The following AMBRA1 variants were observed in gnomAD, a reference collection of about 807,000 sequenced individuals.
AMBRA1 encodes autophagy and beclin 1 regulator 1.
A neutral mutation model predicts 125.4 loss-of-function variants in AMBRA1; 47 were observed. The ratio of observed to expected loss-of-function variants is 0.37; its 90% CI spans 0.30 to 0.48. The LOEUF (loss-of-function observed/expected upper bound fraction) is 0.48, where lower values mean the gene tolerates loss of function less well. Ranked by LOEUF, AMBRA1 falls within the 20% of genes least tolerant of loss-of-function variation. AMBRA1 has a pLI of 0.99. For missense variants in AMBRA1, 1,331 were observed against 1,693.4 expected, an observed-to-expected ratio of 0.79 and a Z score of 3.76; for synonymous variants, 626 against 655.5, an observed-to-expected ratio of 0.95 and a Z score of 0.69.
intron 11 of AMBRA1, among the ~76,000 whole-genome samples, chr11:46,479,233 G>C (rs959400972): frequency 3.3e-5 from 5 of 152,052 alleles, no homozygotes; most frequent in Non-Finnish European, 7.4e-5. Flanking sequence ...AATGTGTTCA[G>C]AGTGTGCTAG....
chr11:46,397,315 C>T lies in AMBRA1; in HGVS notation c.*135G>A. Reference sequence around the variant, plus strand: ...CTTGTGCCCACTGACTGATCTTCCTCTCCACCCTGACCCTCTTCCTCCTCC... The same window carrying T: ...CTTGTGCCCACTGACTGATCTTCCTTTCCACCCTGACCCTCTTCCTCCTCC... On this transcript the variant is annotated 3_prime_UTR_variant, in exon 18 of 18. Transcript: ENST00000683756. 1 of 1,253,924 alleles carries T rather than the reference C, an allele frequency of 8.0e-7. No individual in the cohort carries two copies. Among genetic ancestry groups the T allele is most frequent in the Non-Finnish European group, 1.0e-6 (1 of 963,760 alleles). 77.7% of individuals were successfully genotyped at this position (1,253,924 alleles called of 1,614,324 possible). A position where few individuals can be genotyped will look rare whatever the true frequency, so the allele number is the denominator to read the frequency against.
chr11:46,560,900 T>C (rs1009516553), intron 1 of AMBRA1, among the ~76,000 whole-genome samples: 1 of 152,176 alleles, frequency 6.6e-6, no homozygotes, highest in Non-Finnish European at 1.5e-5. Context: ...CAAACAGACC[T>C]AATGACTTTG....
chr11:46,429,962 G>A (rs2046767), intron 14 of AMBRA1, among the ~76,000 whole-genome samples: 1,779 of 152,130 alleles, frequency 0.012, 42 homozygotes, highest in African/African-American at 0.041. Flanking sequence ...AGCATATCCA[G>A]TCTGGAGGAA....
chr11:46,571,905 G>A (rs2043774709), intron 1 of AMBRA1, among the ~76,000 whole-genome samples: 1 of 151,856 alleles, frequency 6.6e-6, no homozygotes, highest in African/African-American at 2.4e-5. Flanking sequence ...GGTCAGGCTG[G>A]TCTTGAACTC....
At chr11:46,569,440 A>AATATAT (rs1243484151) in intron 1 of AMBRA1, among the ~76,000 whole-genome samples, 20 of 131,370 alleles carry the variant, frequency 1.5e-4, no homozygotes, top group South Asian at 4.8e-4. Context: ...AAAAAAAAAA[A>AATATAT]ATATATATAT....
intron 8 of AMBRA1, among the ~76,000 whole-genome samples, chr11:46,511,439 G>A (rs1348393748): frequency 6.6e-6 from 1 of 152,196 alleles, no homozygotes; most frequent in Non-Finnish European, 1.5e-5. Flanking sequence ...ATCTCAGAAA[G>A]AATGCTCAGT....
intron 1 of AMBRA1, among the ~76,000 whole-genome samples, chr11:46,567,859 C>T (rs1224128529): frequency 6.6e-6 from 1 of 152,052 alleles, no homozygotes; most frequent in African/African-American, 2.4e-5. Flanking sequence ...CTTGAAAAAC[C>T]TAGCTGGGGC....
chr11:46,416,906 C>T (rs573743283), intron 15 of AMBRA1, among the ~76,000 whole-genome samples: 2 of 152,246 alleles, frequency 1.3e-5, no homozygotes, highest in South Asian at 2.1e-4. Flanking sequence ...TGACTCCCAG[C>T]GTCTCTAATG....
intron 7 of AMBRA1, among the ~76,000 whole-genome samples, chr11:46,538,939 T>TA (rs1952611614): frequency 6.6e-6 from 1 of 152,190 alleles, no homozygotes; most frequent in African/African-American, 2.4e-5. Context: ...CAGATCACAG[T>TA]AGCAGCATTT....
intron 11 of AMBRA1, among the ~76,000 whole-genome samples, chr11:46,444,489 C>T (rs191401348): frequency 1.3e-5 from 2 of 152,292 alleles, no homozygotes; most frequent in East Asian, 3.9e-4. Flanking sequence ...TCATACACAA[C>T]CACCCTCCTT....
chr11:46,572,789 CAG>C (rs1468202503), intron 1 of AMBRA1, among the ~76,000 whole-genome samples: 1 of 152,004 alleles, frequency 6.6e-6, no homozygotes, highest in Non-Finnish European at 1.5e-5. Flanking sequence ...TTGTGGTCAC[CAG>C]ATTTAAAAAT....
chr11:46,404,594 G>A (rs1014521582), intron 17 of AMBRA1, among the ~76,000 whole-genome samples: 1 of 152,186 alleles, frequency 6.6e-6, no homozygotes, highest in African/African-American at 2.4e-5. Context: ...CAGGGTATAC[G>A]CAGAGCATGC....
intron 7 of AMBRA1, among the ~76,000 whole-genome samples, chr11:46,535,927 C>A (rs1004146752): frequency 6.6e-6 from 1 of 152,300 alleles, no homozygotes; most frequent in East Asian, 1.9e-4. Flanking sequence ...ACAACCCATT[C>A]ACAAGTTAGG....
chr11:46,430,580 T>G (rs1204179584), intron 14 of AMBRA1, among the ~76,000 whole-genome samples: 2 of 152,230 alleles, frequency 1.3e-5, no homozygotes, highest in African/African-American at 4.8e-5. Context: ...GCATCAAGGC[T>G]AATAGCAATT....
At chr11:46,460,382 C>A (rs1045736434) in intron 11 of AMBRA1, among the ~76,000 whole-genome samples, 1 of 150,618 alleles carries the variant, frequency 6.6e-6, no homozygotes, top group South Asian at 2.1e-4. Context: ...AGCACAGTGG[C>A]GCAATCTTGG....
At chr11:46,422,055 T>TC (rs1946872865) in intron 14 of AMBRA1, among the ~76,000 whole-genome samples, 1 of 152,096 alleles carries the variant, frequency 6.6e-6, no homozygotes, top group Non-Finnish European at 1.5e-5. Context: ...ACCCACCCTG[T>TC]CCCCCACTCT....
chr11:46,459,182 T>C (rs1948986718), intron 11 of AMBRA1, among the ~76,000 whole-genome samples: 1 of 152,098 alleles, frequency 6.6e-6, no homozygotes, highest in Non-Finnish European at 1.5e-5. Context: ...TATGATTCCA[T>C]CCCCACTACA....
intron 9 of AMBRA1, among the ~76,000 whole-genome samples, chr11:46,507,580 A>C (rs1319663542): frequency 5.3e-5 from 8 of 152,188 alleles, no homozygotes; most frequent in African/African-American, 1.9e-4. Context: ...CTGACCACTC[A>C]AAAAAGCCCA....
At chr11:46,592,149 G>C (rs1293266316) in intron 1 of AMBRA1, among the ~76,000 whole-genome samples, 1 of 151,630 alleles carries the variant, frequency 6.6e-6, no homozygotes, top group Non-Finnish European at 1.5e-5. Context: ...TAGTCAGGCT[G>C]GTCTCGAATT....
Sources: gnomAD v4.1 joint callset for allele counts (sites outside exome capture counted in the v4.1 genomes callset) on GRCh38, gnomAD v4.1.1 for gene constraint, MANE v1.5 for transcripts, NCBI Gene and HGNC (gene_info 2026-07-23, HGNC 2026-07-21) for gene names.